The following FRMD6 variants were observed in gnomAD, a reference collection of about 807,000 sequenced individuals.
FRMD6 encodes FERM domain-containing protein 6.
FRMD6 carries 37 observed loss-of-function variants against 73.2 expected under a neutral mutation model. The observed-to-expected ratio is 0.51, with a 90% CI of 0.39 to 0.66. FRMD6 has a LOEUF of 0.66. Among genes scored for constraint, FRMD6 ranks in the 30% least tolerant of loss-of-function variants. The probability of loss-of-function intolerance (pLI) is 0.00; values close to 1 mark genes in which losing one functional copy is unlikely to be tolerated. For synonymous variants in FRMD6, 273 were observed against 282.2 expected, an observed-to-expected ratio of 0.97 and a Z score of 0.33; for missense variants, 714 against 780.5, an observed-to-expected ratio of 0.91 and a Z score of 1.02.
the FRMD6 span, among the ~76,000 whole-genome samples, chr14:51,458,139 G>A: frequency 6.6e-6 from 1 of 152,204 alleles, no homozygotes; most frequent in African/African-American, 2.4e-5. Context: ...TTTAACCTAT[G>A]TGGCTTTGTA....
chr14:51,496,808 C>T (rs1303119511), intron 1 of FRMD6, among the ~76,000 whole-genome samples: 2 of 152,198 alleles, frequency 1.3e-5, no homozygotes, highest in Non-Finnish European at 2.9e-5. Flanking sequence ...CCCTCCAAGA[C>T]ACTTAAAGTC....
At chr14:51,483,292 G>A in the FRMD6 span, among the ~76,000 whole-genome samples, 1 of 152,202 alleles carries the variant, frequency 6.6e-6, no homozygotes, top group Non-Finnish European at 1.5e-5. Context: ...CTCCTCAAAT[G>A]ATGCAAGTAC....
At chr14:51,473,780 G>A in the FRMD6 span, among the ~76,000 whole-genome samples, 2 of 151,552 alleles carry the variant, frequency 1.3e-5, no homozygotes, top group East Asian at 3.9e-4. Flanking sequence ...TATTACTAAG[G>A]ACTTGTAGTC....
chr14:51,728,034 C>T lies in FRMD6; in HGVS notation c.*5C>T, dbSNP rs769555375. ...GTTCCAGAGTTTGTTGTGTAAAGTCCGTCTGTGTGCAGCTGTACAGGCAGC... is the reference window on the plus strand; with the variant it reads ...GTTCCAGAGTTTGTTGTGTAAAGTCTGTCTGTGTGCAGCTGTACAGGCAGC... On this transcript the variant is annotated 3_prime_UTR_variant, in exon 14 of 14. Coordinates refer to ENST00000344768, the MANE Select transcript of FRMD6 (RefSeq NM_001267046.2). 1.4e-5 allele frequency: 23 copies of T among 1,601,816 alleles called. No individual in the cohort carries two copies. The highest frequency in any genetic ancestry group is 1.9e-5 in the Non-Finnish European group (22 of 1,170,968).
At chr14:51,463,566 G>A in the FRMD6 span, among the ~76,000 whole-genome samples, 1 of 152,196 alleles carries the variant, frequency 6.6e-6, no homozygotes, top group Non-Finnish European at 1.5e-5. Context: ...GAAAGGCCCT[G>A]GGAAGCTCTA....
chr14:51,489,639 G>A (rs1882880452), intron 1 of FRMD6, among the ~76,000 whole-genome samples: 1 of 152,170 alleles, frequency 6.6e-6, no homozygotes, highest in Admixed American at 6.5e-5. Context: ...ACCTTGGGTT[G>A]TCCAATGTAA....
In FRMD6 at chr14:51,563,125, C is replaced by A. The variant is rs138058618; in HGVS notation, c.-209-7223C>A. Among the ~76,000 whole-genome samples the A allele has an allele frequency of 7.9e-4, 120 of 152,312 alleles. 1 individual carries two copies. Among genetic ancestry groups the A allele is most frequent in the African/African-American group, 2.7e-3 (112 of 41,572 alleles). The stretch of plus-strand genomic sequence containing the variant: ...CCTCAGAAGAGCCAGACTTCTTCCA[C>A]GGTGACTAGCTCCTCCCAGAGTGAG... On this transcript the variant is annotated intron_variant, in intron 1 of 14. Transcript: ENST00000356218.
At chr14:51,524,179 T>C (rs1885101473) in intron 1 of FRMD6, among the ~76,000 whole-genome samples, 1 of 152,202 alleles carries the variant, frequency 6.6e-6, no homozygotes, top group South Asian at 2.1e-4. Context: ...TAAGTTCAAA[T>C]CTTGCCTCTC....
intron 1 of FRMD6, among the ~76,000 whole-genome samples, chr14:51,679,563 T>C (rs1179080952): frequency 1.3e-5 from 2 of 149,340 alleles, no homozygotes; most frequent in Non-Finnish European, 3.0e-5. Flanking sequence ...TTCTTTTTTT[T>C]TTTTTTTTTT....
intron 10 of FRMD6, among the ~76,000 whole-genome samples, chr14:51,716,320 T>G (rs1897241844): frequency 6.6e-6 from 1 of 151,826 alleles, no homozygotes; most frequent in South Asian, 2.1e-4. Context: ...TGCTTTGGGG[T>G]TTTGTTTATG....
At chr14:51,583,764 C>T (rs528137844) in intron 2 of FRMD6, among the ~76,000 whole-genome samples, 2 of 152,272 alleles carry the variant, frequency 1.3e-5, no homozygotes, top group East Asian at 3.9e-4. Flanking sequence ...AATGGTGCAG[C>T]CCGAAGTCAC....
chr14:51,555,958 G>A (rs1375611392), intron 1 of FRMD6, among the ~76,000 whole-genome samples: 1 of 152,204 alleles, frequency 6.6e-6, no homozygotes, highest in Non-Finnish European at 1.5e-5. Context: ...GTTGGAACAA[G>A]AGATATGCAG....
rs192974685 is a variant in FRMD6 at position 51,536,243 on chromosome 14, G to T, written c.-209-34105G>T. Among the ~76,000 whole-genome samples, 789 of 150,794 alleles carry T rather than the reference G, an allele frequency of 5.2e-3. 4 individuals carry two copies. The highest frequency in any genetic ancestry group is 0.018 in the African/African-American group (740 of 41,118). On this transcript the variant is annotated intron_variant, in intron 1 of 14. Coordinates refer to the FRMD6 transcript ENST00000356218. The stretch of plus-strand genomic sequence containing the variant: ...TGAGTAGCTGGGACTACATGCCCAT[G>T]CTACCATGCCTAGCTAATTAAAAAA...
intron 2 of FRMD6, among the ~76,000 whole-genome samples, chr14:51,629,479 A>G (rs973749871): frequency 6.6e-6 from 1 of 152,232 alleles, no homozygotes; most frequent in Non-Finnish European, 1.5e-5. Context: ...CATTCCTACC[A>G]GCAGTGTATG....
chr14:51,467,192 G>A, the FRMD6 span, among the ~76,000 whole-genome samples: 1 of 151,842 alleles, frequency 6.6e-6, no homozygotes, highest in Admixed American at 6.6e-5. Context: ...CTGCCTTCAA[G>A]CATCTGTTTA....
intron 9 of FRMD6, among the ~76,000 whole-genome samples, chr14:51,713,281 A>T (rs1897050062): frequency 6.6e-6 from 1 of 152,046 alleles, no homozygotes; most frequent in Non-Finnish European, 1.5e-5. Flanking sequence ...AACATGGTGA[A>T]ATCCTGTCTC....
At chr14:51,513,678 TGACCTG>T (rs1395758666) in intron 1 of FRMD6, among the ~76,000 whole-genome samples, 1 of 152,148 alleles carries the variant, frequency 6.6e-6, no homozygotes, top group African/African-American at 2.4e-5. Context: ...GCTTCTCTAA[TGACCTG>T]AAGTGAGGTC....
chr14:51,689,756 C>G lies in FRMD6; in HGVS notation c.-81C>G. 1 of 821,938 alleles carries G rather than the reference C, an allele frequency of 1.2e-6. No individual in the cohort carries two copies. Among genetic ancestry groups the G allele is most frequent in the Non-Finnish European group, 2.2e-6 (1 of 461,050 alleles). 50.9% of individuals were successfully genotyped at this position (821,938 alleles called of 1,614,324 possible). On this transcript the variant is annotated 5_prime_UTR_variant, in exon 2 of 14. Transcript: ENST00000344768. ...GCAGGGCGTGTGATGAGGAGGCGAGCTTGGCTTTGGAGTGCTGGGAACCTG... is the reference window on the plus strand; with the variant it reads ...GCAGGGCGTGTGATGAGGAGGCGAGGTTGGCTTTGGAGTGCTGGGAACCTG...
At chr14:51,599,005 C>T (rs1343130843) in intron 2 of FRMD6, among the ~76,000 whole-genome samples, 4 of 149,720 alleles carry the variant, frequency 2.7e-5, no homozygotes, top group African/African-American at 7.4e-5. Flanking sequence ...ATTTACATTC[C>T]CACCAGCAGT....
Sources: gnomAD v4.1 joint callset for allele counts (sites outside exome capture counted in the v4.1 genomes callset) on GRCh38, gnomAD v4.1.1 for gene constraint, MANE v1.5 for transcripts, NCBI Gene and HGNC (gene_info 2026-07-23, HGNC 2026-07-21) for gene names.